DPYSL2: variants seen among roughly 807,000 people sequenced by gnomAD.
DPYSL2 encodes the protein dihydropyrimidinase like 2, also known as dihydropyrimidinase-related protein 2.
A neutral mutation model predicts 69.9 loss-of-function variants in DPYSL2; 13 were observed. The observed-to-expected ratio is 0.19, with a 90% CI of 0.12 to 0.30. The LOEUF is 0.30. DPYSL2 is among the 10% of genes least tolerant of loss of function. The pLI is 1.00. For synonymous variants in DPYSL2, 326 were observed against 359.1 expected (o/e 0.91, Z 1.04); for missense variants, 587 against 918.9 (o/e 0.64, Z 4.67).
intron 8 of DPYSL2, chr8:26,637,479 A>G (rs1248064244): frequency 6.6e-6 from 1 of 152,232 alleles, no homozygotes; most frequent in Non-Finnish European, 1.5e-5. Flanking sequence ...GAGGCCACAA[A>G]TATCCGTGTA....
At chr8:26,628,896 G>A (rs887346566) in intron 7 of DPYSL2, among the ~76,000 whole-genome samples, 3 of 152,188 alleles carry the variant, frequency 2.0e-5, no homozygotes, top group African/African-American at 7.2e-5. Flanking sequence ...AGTTTGGGAT[G>A]TGGTCATGTT....
At chr8:26,523,184 T>C (rs1808418668) in intron 1 of DPYSL2, among the ~76,000 whole-genome samples, 1 of 151,638 alleles carries the variant, frequency 6.6e-6, no homozygotes, top group African/African-American at 2.4e-5. Context: ...TAAATAATAT[T>C]TAAAATTTGC....
intron 1 of DPYSL2, among the ~76,000 whole-genome samples, chr8:26,541,374 A>G (rs1800682390): frequency 6.6e-6 from 1 of 152,226 alleles, no homozygotes; most frequent in South Asian, 2.1e-4. Context: ...CATTACCACT[A>G]GACCTAACTT....
intron 1 of DPYSL2, among the ~76,000 whole-genome samples, chr8:26,563,745 C>A (rs1409213253): frequency 6.6e-6 from 1 of 152,092 alleles, no homozygotes; most frequent in African/African-American, 2.4e-5. Flanking sequence ...AAATGGCTAC[C>A]CCCTTGTAGA....
At chr8:26,547,362 G>GAAA (rs35108046) in intron 1 of DPYSL2, among the ~76,000 whole-genome samples, 13,612 of 147,106 alleles carry the variant, frequency 0.093, 803 homozygotes, top group Middle Eastern at 0.15. Flanking sequence ...GACCCTGATT[G>GAAA]AAAAAAAAAA....
At position 26,620,466 on chromosome 8, in the gene DPYSL2, G is replaced by A. The variant is rs1585551631; in HGVS notation, c.629-3677G>A. On this transcript the variant is annotated intron_variant, in intron 3 of 13. Coordinates refer to ENST00000521913, the MANE Select transcript of DPYSL2 (RefSeq NM_001197293.3). The surrounding 1 kb of genome is among the most constrained non-coding windows in gnomAD (Gnocchi z 4.5). The stretch of plus-strand genomic sequence containing the variant: ...AGACGAGGTTTCATCATGTTGCCCA[G>A]GCTGGTCTCGAACTCCTGGCCTCAA... Among the ~76,000 whole-genome samples, 1 of 152,004 alleles carries A rather than the reference G, an allele frequency of 6.6e-6. No homozygotes were observed. Among genetic ancestry groups the A allele is most frequent in the Admixed American group, 6.6e-5 (1 of 15,264 alleles).
chr8:26,655,520 C>T (rs1178874845), intron 13 of DPYSL2, 95 bp from the exon 14 acceptor site: 2 of 1,159,462 alleles, frequency 1.7e-6, no homozygotes, highest in African/African-American at 3.1e-5. Context: ...GCGACTAGCA[C>T]TTTTCCTCCT....
rs560577348 is a variant in DPYSL2 at position 26,588,279 on chromosome 8, G to T, written c.628+4296G>T. On this transcript the variant is annotated intron_variant, in intron 3 of 13. Coordinates refer to ENST00000521913, the MANE Select transcript of DPYSL2 (RefSeq NM_001197293.3). This position sits in a 1 kb window ranked among gnomAD's most constrained non-coding sequence, Gnocchi z 5.4. ...AGCAGGCGCTGTCTAGGCGTGGCTG[G>T]CGGACTGTGTGCTTTGTGTGTTGCT... Among the ~76,000 whole-genome samples, 3 of 152,200 alleles carry T rather than the reference G, an allele frequency of 2.0e-5. No individual in the cohort carries two copies. The South Asian group carries it at 6.2e-4, about 31-fold the overall frequency.
intron 3 of DPYSL2, among the ~76,000 whole-genome samples, chr8:26,600,690 T>C (rs1801971016): frequency 6.6e-6 from 1 of 152,260 alleles, no homozygotes. Context: ...AATGAGTACC[T>C]GCAACCAGGG....
At position 26,655,857 on chromosome 8, in the gene DPYSL2, T is replaced by A. The variant is rs566932631; in HGVS notation, c.*151T>A. On this transcript the variant is annotated 3_prime_UTR_variant, in exon 14 of 14. Transcript: ENST00000521913. Reference sequence around the variant, plus strand: ...GAGCAGCCAGTTCATGGGGTCCCCCTTGGGGCCCCACACCCCGTCTCTCAC... The same window carrying A: ...GAGCAGCCAGTTCATGGGGTCCCCCATGGGGCCCCACACCCCGTCTCTCAC... 4.5e-6 allele frequency: 3 copies of A among 672,196 alleles called. No individual in the cohort carries two copies. Among genetic ancestry groups the A allele is most frequent in the African/African-American group, 1.8e-5 (1 of 54,842 alleles). 41.6% of individuals were successfully genotyped at this position (672,196 alleles called of 1,614,324 possible). A position where few individuals can be genotyped will look rare whatever the true frequency, so the allele number is the denominator to read the frequency against.
chr8:26,581,257 G>A (rs1486121207), intron 1 of DPYSL2, among the ~76,000 whole-genome samples: 1 of 152,134 alleles, frequency 6.6e-6, no homozygotes, highest in African/African-American at 2.4e-5. Flanking sequence ...GGTCAATTGT[G>A]CTTGCTTGAC....
chr8:26,529,460 G>T (rs928913630), intron 1 of DPYSL2, among the ~76,000 whole-genome samples: 1 of 151,928 alleles, frequency 6.6e-6, no homozygotes, highest in African/African-American at 2.4e-5. Flanking sequence ...GGGACTATAG[G>T]TGTGTACCAC....
chr8:26,623,074 A>G (rs976897019), intron 3 of DPYSL2, among the ~76,000 whole-genome samples: 1 of 152,218 alleles, frequency 6.6e-6, no homozygotes, highest in African/African-American at 2.4e-5. Flanking sequence ...TAGTCCTGGT[A>G]ATCCTCCTGC....
At chr8:26,566,089 C>T (rs1487022579) in intron 1 of DPYSL2, among the ~76,000 whole-genome samples, 1 of 152,142 alleles carries the variant, frequency 6.6e-6, no homozygotes, top group African/African-American at 2.4e-5. Flanking sequence ...ATGGAAGGAC[C>T]CAGCTGATTA....
At position 26,587,460 on chromosome 8, in the gene DPYSL2, T is replaced by A. The variant is rs1201942577; in HGVS notation, c.628+3477T>A. ...ACGGGTAAATCCTCGCCTGCCTCCC[T>A]GCTGGCTCTGCGTTTCCCAGGTCAC... On this transcript the variant is annotated intron_variant, in intron 3 of 13. Coordinates refer to ENST00000521913, the MANE Select transcript of DPYSL2 (RefSeq NM_001197293.3). The surrounding 1 kb of genome is among the most constrained non-coding windows in gnomAD (Gnocchi z 4.2). Among the ~76,000 whole-genome samples the A allele has an allele frequency of 6.6e-6, 1 of 152,212 alleles. No homozygotes were observed. Among genetic ancestry groups the A allele is most frequent in the Non-Finnish European group, 1.5e-5 (1 of 68,040 alleles).
In DPYSL2 at chr8:26,565,392, T is replaced by C. The variant is rs1801133077; in HGVS notation, c.355-16577T>C. 6.6e-6 allele frequency among the ~76,000 whole-genome samples: 1 copy of C among 152,054 alleles called. No individual in the cohort carries two copies. Among genetic ancestry groups the C allele is most frequent in the Non-Finnish European group, 1.5e-5 (1 of 68,018 alleles). ...GGATTGGGAGGTTGCAGGGTAAGAGTAGCAGAATGATGCTGCTGGTGAGAG... is the reference window on the plus strand; with the variant it reads ...GGATTGGGAGGTTGCAGGGTAAGAGCAGCAGAATGATGCTGCTGGTGAGAG... On this transcript the variant is annotated intron_variant, in intron 1 of 13. Transcript: ENST00000521913. This position sits in a 1 kb window ranked among gnomAD's most constrained non-coding sequence, Gnocchi z 4.1.
At chr8:26,559,460 C>A (rs1801040160) in intron 1 of DPYSL2, among the ~76,000 whole-genome samples, 1 of 152,148 alleles carries the variant, frequency 6.6e-6, no homozygotes. Context: ...ATACTTAGTA[C>A]AGTATTTTCA....
rs192971126 is a variant in DPYSL2, at chr8:26,626,444, G to T, written c.794-173G>T. Reference sequence around the variant, plus strand: ...GGTACTCTGCTTCCTTTACCATTCTGTGTCTCCATTTCTCTCCTCTCTCTT... The same window carrying T: ...GGTACTCTGCTTCCTTTACCATTCTTTGTCTCCATTTCTCTCCTCTCTCTT... On this transcript the variant is annotated intron_variant, in intron 4 of 13. Coordinates refer to ENST00000521913, the MANE Select transcript of DPYSL2 (RefSeq NM_001197293.3). The surrounding 1 kb of genome is among the most constrained non-coding windows in gnomAD (Gnocchi z 4.3). 6.6e-6 allele frequency among the ~76,000 whole-genome samples: 1 copy of T among 151,282 alleles called. No homozygotes were observed. The highest frequency in any genetic ancestry group is 1.5e-5 in the Non-Finnish European group (1 of 67,912).
At chr8:26,636,163 A>C (rs1185564650) in intron 8 of DPYSL2, among the ~76,000 whole-genome samples, 1 of 149,084 alleles carries the variant, frequency 6.7e-6, no homozygotes, top group African/African-American at 2.4e-5. Flanking sequence ...TGCCTTTTAG[A>C]AATAAGAAAG....
Sources: gnomAD v4.1 joint callset for allele counts (sites outside exome capture counted in the v4.1 genomes callset) on GRCh38, gnomAD v4.1.1 for gene constraint, Gnocchi (gnomAD v3.1) non-coding constraint, MANE v1.5 for transcripts, NCBI Gene and HGNC (gene_info 2026-07-23, HGNC 2026-07-21) for gene names.